PVT1: variants seen among roughly 807,000 people sequenced by gnomAD.
PVT1 encodes CXCR4/PVT1 fusion.
chr8:127,860,803 A>G (rs533825291), intron 2 of PVT1, among the ~76,000 whole-genome samples: 1 of 130,848 alleles, frequency 7.6e-6, no homozygotes, highest in Non-Finnish European at 1.8e-5. Flanking sequence ...CAAGGCGACA[A>G]CTGTGAGCTT....
chr8:128,078,789 C>T (rs1814129770), intron 5 of PVT1, among the ~76,000 whole-genome samples: 1 of 152,038 alleles, frequency 6.6e-6, no homozygotes, highest in Non-Finnish European at 1.5e-5. Context: ...CCATTTATGT[C>T]CGTTTATACC....
intron 2 of PVT1, among the ~76,000 whole-genome samples, chr8:127,805,200 G>A (rs1041160157): frequency 6.6e-6 from 1 of 152,070 alleles, no homozygotes. Context: ...AAAGTGCTGG[G>A]ATTACAGGAG....
In PVT1 at chr8:128,015,235, G is replaced by A. The variant is rs972371220; in HGVS notation, n.912+25944G>A. The stretch of plus-strand genomic sequence containing the variant: ...CTCCTGAGTAACTGGGATTGCAGGC[G>A]TGCACCAACACATCAGGCTACTTTT... On this transcript the variant is annotated intron_variant and non_coding_transcript_variant, in intron 4 of 10. Coordinates refer to ENST00000651587, the Ensembl canonical transcript of PVT1. Among the ~76,000 whole-genome samples, 17 of 152,046 alleles carry A rather than the reference G, an allele frequency of 1.1e-4. No homozygotes were observed. In the East Asian group the frequency reaches 1.4e-3, roughly 12 times the overall value.
At chr8:127,840,130 G>A (rs72718571) in intron 2 of PVT1, among the ~76,000 whole-genome samples, 7 of 152,314 alleles carry the variant, frequency 4.6e-5, no homozygotes, top group South Asian at 2.1e-4. Context: ...AGAGAGGCCG[G>A]GGTCCACACT....
chr8:127,932,235 C>G (rs3739378), intron 3 of PVT1, among the ~76,000 whole-genome samples: 2 of 151,936 alleles, frequency 1.3e-5, no homozygotes, highest in African/African-American at 4.8e-5. Flanking sequence ...GCTCCCAGGG[C>G]GGGATTAGCC....
In PVT1 at chr8:127,851,116, C is replaced by T. The variant is rs990960474; in HGVS notation, n.373-39473C>T. Among the ~76,000 whole-genome samples the T allele has an allele frequency of 1.2e-4, 18 of 151,838 alleles. No individual in the cohort carries two copies. The East Asian group carries it at 1.5e-3, about 13-fold the overall frequency. ...AACAGGAATTCAGAACAAATCAAAA[C>T]GAAACAATAAAACTGGGGATGAAGG... On this transcript the variant is annotated intron_variant and non_coding_transcript_variant, in intron 2 of 10. Transcript: ENST00000651587.
chr8:127,889,917 C>T (rs1053356465), intron 2 of PVT1, among the ~76,000 whole-genome samples: 1 of 152,172 alleles, frequency 6.6e-6, no homozygotes, highest in Non-Finnish European at 1.5e-5. Flanking sequence ...CAGCCCTAGG[C>T]ATTGTGGATC....
intron 3 of PVT1, among the ~76,000 whole-genome samples, chr8:127,970,731 C>G (rs894798336): frequency 4.5e-4 from 69 of 152,004 alleles, no homozygotes; most frequent in African/African-American, 1.6e-3. Context: ...ATGTAAGACA[C>G]CTCCCCAAAA....
chr8:127,951,885 G>A (rs947299045), intron 3 of PVT1, among the ~76,000 whole-genome samples: 3 of 151,158 alleles, frequency 2.0e-5, no homozygotes, highest in Admixed American at 6.6e-5. Context: ...GCATGATCTC[G>A]GCTTACTGCA....
intron 3 of PVT1, among the ~76,000 whole-genome samples, chr8:127,905,649 A>G (rs909909565): frequency 3.3e-5 from 5 of 152,038 alleles, no homozygotes; most frequent in Non-Finnish European, 1.5e-5. Context: ...TTTTGAGTAT[A>G]TATAATTGTG....
intron 2 of PVT1, among the ~76,000 whole-genome samples, chr8:127,888,216 A>G (rs2129798175): frequency 6.6e-6 from 1 of 152,312 alleles, no homozygotes; most frequent in East Asian, 1.9e-4. Flanking sequence ...CTGGGATTAC[A>G]GGCGTGAGCC....
chr8:128,066,863 T>C (rs1404244932), intron 4 of PVT1, among the ~76,000 whole-genome samples: 5 of 152,224 alleles, frequency 3.3e-5, no homozygotes, highest in East Asian at 3.9e-4. Context: ...ATTCTTCTCA[T>C]TGGGTTTTAA....
At chr8:128,088,697 G>C (rs1347480023) in intron 5 of PVT1, among the ~76,000 whole-genome samples, 1 of 152,242 alleles carries the variant, frequency 6.6e-6, no homozygotes, top group African/African-American at 2.4e-5. Context: ...ATCCTCTGCA[G>C]TTTGGGGATG....
At chr8:128,058,621 T>C (rs1813791369) in intron 4 of PVT1, among the ~76,000 whole-genome samples, 1 of 152,220 alleles carries the variant, frequency 6.6e-6, no homozygotes, top group Admixed American at 6.5e-5. Context: ...AATTCAACTT[T>C]GGCACTATTA....
chr8:127,921,486 A>G (rs1333642826), intron 3 of PVT1, among the ~76,000 whole-genome samples: 5 of 152,186 alleles, frequency 3.3e-5, no homozygotes, highest in Admixed American at 2.0e-4. Flanking sequence ...CATTCTGTAC[A>G]CAACTCAGCA....
chr8:128,043,387 G>A (rs1813569449), intron 4 of PVT1, among the ~76,000 whole-genome samples: 1 of 152,168 alleles, frequency 6.6e-6, no homozygotes, highest in Non-Finnish European at 1.5e-5. Flanking sequence ...GGTGAGGGAA[G>A]CTCTTTTGAT....
At chr8:127,896,780 C>G (rs1041892787) in intron 3 of PVT1, among the ~76,000 whole-genome samples, 91 of 141,182 alleles carry the variant, frequency 6.4e-4, no homozygotes, top group East Asian at 3.0e-3. Context: ...TTCCTCCCCC[C>G]CCCCGCCCCC....
At chr8:127,816,673 G>A (rs1001060653) in intron 2 of PVT1, among the ~76,000 whole-genome samples, 19 of 152,016 alleles carry the variant, frequency 1.2e-4, no homozygotes, top group Admixed American at 3.9e-4. Flanking sequence ...ACGGGCACTC[G>A]CCACCATGCC....
rs536636494 is a variant in PVT1, at chr8:127,992,066, T to C, written n.912+2775T>C. ...TTACAGCTTTTCAAACTTCTCTCTT[T>C]CTTAAAACAAAAAAAAAAAAAAAGG... On this transcript the variant is annotated intron_variant and non_coding_transcript_variant, in intron 4 of 10. Coordinates refer to ENST00000651587, the Ensembl canonical transcript of PVT1. 3.8e-5 allele frequency among the ~76,000 whole-genome samples: 5 copies of C among 130,622 alleles called. No homozygotes were observed. The South Asian group carries it at 1.5e-3, about 40-fold the overall frequency. 85.7% of individuals were successfully genotyped at this position (130,622 alleles called of 152,430 possible).
Sources: allele counts gnomAD v4.1 joint callset (sites outside exome capture counted in the v4.1 genomes callset), GRCh38; gene constraint gnomAD v4.1.1; transcripts MANE v1.5; gene names NCBI Gene and HGNC (gene_info 2026-07-23, HGNC 2026-07-21).